The following DNAH5 variants were observed in gnomAD, a reference collection of about 807,000 sequenced individuals.
DNAH5 encodes axonemal beta dynein heavy chain 5.
DNAH5 carries 372 observed loss-of-function variants against 518.2 expected under a neutral mutation model. The ratio of observed to expected loss-of-function variants is 0.72; its 90% CI spans 0.66 to 0.78. The LOEUF (loss-of-function observed/expected upper bound fraction) is 0.78, where lower values mean the gene tolerates loss of function less well. Ranked by LOEUF, DNAH5 falls within the 30% of genes least tolerant of loss-of-function variation. The pLI is 0.00. For synonymous variants in DNAH5, 2,039 were observed against 2,025.9 expected (o/e 1.01, Z -0.17); for missense variants, 5,523 against 5,687.0 (o/e 0.97, Z 0.93).
chr5:13,799,857 A>T (rs1758462754), intron 47 of DNAH5, among the ~76,000 whole-genome samples: 1 of 152,212 alleles, frequency 6.6e-6, no homozygotes, highest in Admixed American at 6.5e-5. Context: ...ATAACCAGGA[A>T]GTAGTTATAT....
intron 38 of DNAH5, among the ~76,000 whole-genome samples, chr5:13,826,775 C>A (rs1762943390): frequency 6.6e-6 from 1 of 152,086 alleles, no homozygotes; most frequent in Non-Finnish European, 1.5e-5. Flanking sequence ...ATAAAGATAC[C>A]TGAAAATGTG....
At chr5:13,725,438 A>C (rs1022739333) in intron 70 of DNAH5, among the ~76,000 whole-genome samples, 102 of 152,322 alleles carry the variant, frequency 6.7e-4, no homozygotes, top group African/African-American at 2.4e-3. Context: ...CTGATGTAAG[A>C]GTTAATTCAG....
At chr5:13,742,211 T>C (rs752787483) in intron 65 of DNAH5, among the ~76,000 whole-genome samples, 12 of 152,128 alleles carry the variant, frequency 7.9e-5, no homozygotes, top group Non-Finnish European at 1.5e-4. Flanking sequence ...ACAAATACTT[T>C]TGTTTCAACT....
At chr5:13,859,628 G>T (rs1768104512) in intron 29 of DNAH5, 23 bp from the exon 30 acceptor site, 1 of 1,612,220 alleles carries the variant, frequency 6.2e-7, no homozygotes, top group Non-Finnish European at 8.5e-7. Flanking sequence ...ATAGGTTTAG[G>T]GTTTGGTTTT....
chr5:13,855,512 A>G (rs1767505933), intron 30 of DNAH5, among the ~76,000 whole-genome samples: 1 of 151,878 alleles, frequency 6.6e-6, no homozygotes, highest in African/African-American at 2.4e-5. Context: ...CCGGCCATAA[A>G]TCTTACATTT....
chr5:13,716,402 A>C, intron 74 of DNAH5, 85 bp downstream of exon 74: 1 of 927,996 alleles, frequency 1.1e-6, no homozygotes, highest in Non-Finnish European at 1.8e-6. Flanking sequence ...GTATTGTAAA[A>C]GCAATATAGA....
At chr5:13,868,068 A>G (rs137883389) in intron 24 of DNAH5, 76 bp from the exon 25 acceptor site, 405 of 1,102,726 alleles carry the variant, frequency 3.7e-4, no homozygotes, top group Non-Finnish European at 5.1e-4. Flanking sequence ...ATTAAATGAT[A>G]AGAATGGAAA....
intron 65 of DNAH5, among the ~76,000 whole-genome samples, chr5:13,750,863 A>G (rs774483787): frequency 6.6e-6 from 1 of 152,186 alleles, no homozygotes; most frequent in Non-Finnish European, 1.5e-5. Context: ...TCGATGACAT[A>G]CGTAATTTAT....
Position 13,809,070 on chromosome 5 carries a change from T to A in DNAH5, c.7726A>T (p.Ile2576Phe). The change falls in exon 46 of 79, where the codon ATT becomes TTT. Residue 2576 changes from isoleucine (I) to phenylalanine (F), a missense_variant. By Grantham distance (21) the Ile-to-Phe change is conservative (BLOSUM62 0). Transcript: ENST00000265104. ...NVDNVRTDFL[I>F]QTIAKQGKAV... ...TTGCCCTGTTTAGCAATGGTTTGAA[T>A]TAGAAAGTCAGTCCTCACATTGTCA... The A allele has an allele frequency of 6.2e-7, 1 of 1,614,238 alleles. No individual in the cohort carries two copies. The highest frequency in any genetic ancestry group is 1.1e-5 in the South Asian group (1 of 91,086).
intron 53 of DNAH5, among the ~76,000 whole-genome samples, chr5:13,780,612 C>CT (rs1391500977): frequency 6.6e-6 from 1 of 152,094 alleles, no homozygotes; most frequent in African/African-American, 2.4e-5. Flanking sequence ...GAGGTGGCTA[C>CT]TAAGTGAGAG....
intron 52 of DNAH5, among the ~76,000 whole-genome samples, chr5:13,783,802 T>G (rs916195513): frequency 2.0e-5 from 3 of 152,204 alleles, no homozygotes; most frequent in African/African-American, 7.2e-5. Flanking sequence ...TCGTGCCTTG[T>G]AACTAGGCCA....
Position 13,900,414 on chromosome 5 carries a change from T to G in DNAH5, c.2053-2A>C. ...AAGACCTACATGAATTTCTTCAATC[T>G]GTGGGAAGAAACCAACATCATTACT... On this transcript the variant is annotated splice_acceptor_variant, in intron 14 of 78. Coordinates refer to ENST00000265104, the MANE Select transcript of DNAH5 (RefSeq NM_001369.3). LOFTEE classifies it high-confidence loss of function. The G allele has an allele frequency of 1.2e-6, 2 of 1,613,100 alleles. No homozygotes were observed. Among genetic ancestry groups the G allele is most frequent in the Non-Finnish European group, 1.7e-6 (2 of 1,179,090 alleles).
Position 13,707,166 on chromosome 5 carries a change from G to GGT in DNAH5, c.13338+956_13338+957insAC, listed in dbSNP as rs1168797895. ...AGGACCAACAGACACCGCTGACAGC[G>GGT]GGACGACGTGGAATTTGCTCAGGCA... On this transcript the variant is annotated intron_variant, in intron 76 of 78. Transcript: ENST00000265104. This position sits in a 1 kb window ranked among gnomAD's most constrained non-coding sequence, Gnocchi z 4.0. Among the ~76,000 whole-genome samples, 3 of 151,522 alleles carry GGT rather than the reference G, an allele frequency of 2.0e-5. No individual in the cohort carries two copies. The highest frequency in any genetic ancestry group is 4.4e-5 in the Non-Finnish European group (3 of 67,862).
intron 1 of DNAH5, among the ~76,000 whole-genome samples, chr5:13,969,239 T>C (rs561339000): frequency 9.8e-5 from 15 of 152,342 alleles, no homozygotes; most frequent in African/African-American, 3.4e-4. Flanking sequence ...TAATGGTTTA[T>C]CAATTTTGTT....
At chr5:13,935,592 A>C (rs1222133148) in intron 1 of DNAH5, among the ~76,000 whole-genome samples, 1 of 152,232 alleles carries the variant, frequency 6.6e-6, no homozygotes, top group Non-Finnish European at 1.5e-5. Flanking sequence ...CACAATGTTT[A>C]TCAATCTCAA....
At position 13,916,418 on chromosome 5, in the gene DNAH5, G is replaced by A. The variant is rs1182539247; in HGVS notation, c.1127C>T (p.Ala376Val). 6.4e-7 allele frequency: 1 copy of A among 1,555,710 alleles called. No individual in the cohort carries two copies. The highest frequency in any genetic ancestry group is 1.4e-5 in the African/African-American group (1 of 73,552). The change falls in exon 9 of 79, where the codon GCA (alanine) becomes GTA (valine). Residue 376 changes from alanine (A) to valine (V), a missense_variant. Coordinates refer to ENST00000265104, the MANE Select transcript of DNAH5 (RefSeq NM_001369.3). ...AGAGATACTATAGATCATTTTAATT[G>A]CATTTATAAGTGTAGGAATAGCATC... ...MMDAIPTLIN[A>V]IKMIYSISHY...
At chr5:13,810,584 C>CAAA (rs61113976) in intron 44 of DNAH5, 1,598 of 99,708 alleles carry the variant, frequency 0.016, 23 homozygotes, top group Middle Eastern at 0.067. Context: ...ACTAAAAATA[C>CAAA]AAAAAAAAAA....
chr5:13,736,285 A>G (rs1348026490), intron 66 of DNAH5, among the ~76,000 whole-genome samples: 1 of 152,218 alleles, frequency 6.6e-6, no homozygotes, highest in Non-Finnish European at 1.5e-5. Context: ...TAGGGACCTC[A>G]TCCTTAAGTT....
In DNAH5 at chr5:13,799,633, C is replaced by T. The variant is rs1481442403; in HGVS notation, c.7888-5575G>A. ...AGAATTGTTGCAGATTCAATAGTTACCTGAGTGTTGAAGTTTGGTAAGACC... is the reference window on the plus strand; with the variant it reads ...AGAATTGTTGCAGATTCAATAGTTATCTGAGTGTTGAAGTTTGGTAAGACC... On this transcript the variant is annotated intron_variant, in intron 47 of 78. Transcript: ENST00000265104. 3.3e-5 allele frequency among the ~76,000 whole-genome samples: 5 copies of T among 152,260 alleles called. No homozygotes were observed. In the East Asian group the frequency reaches 9.6e-4, roughly 29 times the overall value.
Sources: gnomAD v4.1 joint callset for allele counts (sites outside exome capture counted in the v4.1 genomes callset) on GRCh38, gnomAD v4.1.1 for gene constraint, Gnocchi (gnomAD v3.1) non-coding constraint, MANE v1.5 for transcripts, NCBI Gene and HGNC (gene_info 2026-07-23, HGNC 2026-07-21) for gene names.